ARHGAP15: variants seen among roughly 807,000 people sequenced by gnomAD.
ARHGAP15 encodes Rho GTPase activating protein 15.
Under a neutral mutation model 63.7 loss-of-function variants are expected in ARHGAP15, and 51 were observed. That is an observed-to-expected ratio of 0.80 (90% CI 0.64 to 1.01). The LOEUF (loss-of-function observed/expected upper bound fraction) is 1.01. Ranked by LOEUF, ARHGAP15 falls within the 50% of genes least tolerant of loss-of-function variation. The pLI is 0.00. For missense variants in ARHGAP15, 560 were observed against 564.6 expected (o/e 0.99, Z 0.08); for synonymous variants, 191 against 193.8 (o/e 0.99, Z 0.12).
intron 12 of ARHGAP15, among the ~76,000 whole-genome samples, chr2:143,700,152 A>C (rs1684021373): frequency 1.3e-5 from 2 of 152,162 alleles, no homozygotes; most frequent in African/African-American, 4.8e-5. Context: ...GTGTTGTGTA[A>C]GTAGAATATT....
chr2:143,484,463 T>C (rs1692229493), intron 8 of ARHGAP15, among the ~76,000 whole-genome samples: 1 of 151,842 alleles, frequency 6.6e-6, no homozygotes. Flanking sequence ...ATTTGGGAAG[T>C]GGAAGTTGCA....
intron 13 of ARHGAP15, among the ~76,000 whole-genome samples, chr2:143,756,523 T>C (rs1686583113): frequency 6.6e-6 from 1 of 152,210 alleles, no homozygotes. Flanking sequence ...AGGATGTTGA[T>C]ATTATCAGTG....
intron 10 of ARHGAP15, among the ~76,000 whole-genome samples, chr2:143,536,952 G>A (rs570717258): frequency 1.1e-4 from 16 of 152,270 alleles, no homozygotes; most frequent in African/African-American, 2.6e-4. Context: ...TCACCACACC[G>A]ACTTCCACAA....
chr2:143,537,359 C>A (rs1694824274), intron 10 of ARHGAP15, among the ~76,000 whole-genome samples: 1 of 152,072 alleles, frequency 6.6e-6, no homozygotes. Context: ...GTTTCTTTTG[C>A]TGTGCGGAAG....
chr2:143,747,333 C>T (rs559419333), intron 13 of ARHGAP15, among the ~76,000 whole-genome samples: 1 of 152,074 alleles, frequency 6.6e-6, no homozygotes, highest in Admixed American at 6.5e-5. Flanking sequence ...TCATTAAAAT[C>T]TTGTGTTGGT....
At chr2:143,346,196 T>C (rs905850508) in intron 6 of ARHGAP15, among the ~76,000 whole-genome samples, 1 of 142,450 alleles carries the variant, frequency 7.0e-6, no homozygotes, top group East Asian at 2.0e-4. Context: ...ACACACACTC[T>C]CTCTCTCACA....
intron 4 of ARHGAP15, among the ~76,000 whole-genome samples, chr2:143,217,010 G>A (rs777253465): frequency 1.1e-4 from 16 of 152,136 alleles, no homozygotes; most frequent in African/African-American, 3.6e-4. Flanking sequence ...GGTATATACC[G>A]TATGTTTAGA....
At position 143,155,637 on chromosome 2, in the gene ARHGAP15, C is replaced by A; in HGVS notation, c.147C>A (p.Val49=). ...GTAAATCCATGATCCTCACCGATGT[C>A]GGGAAGGTCACTGAACCTGTAAGTC... is the stretch of plus-strand genomic sequence containing the variant. ...SQSKSMILTD[V]GKVTEPISRH... is the part of the protein sequence containing the mutation. Residue 49 remains valine (V), a synonymous_variant, in exon 2 of 14, where the codon GTC becomes GTA. Coordinates refer to ENST00000295095, the MANE Select transcript of ARHGAP15 (RefSeq NM_018460.4). The A allele has an allele frequency of 6.4e-7, 1 of 1,572,784 alleles. No individual in the cohort carries two copies. Among genetic ancestry groups the A allele is most frequent in the Admixed American group, 2.0e-5 (1 of 50,194 alleles).
chr2:143,190,759 G>A (rs914731478), intron 2 of ARHGAP15, among the ~76,000 whole-genome samples: 8 of 152,266 alleles, frequency 5.3e-5, no homozygotes, highest in South Asian at 2.1e-4. Flanking sequence ...ATTCTGTAGC[G>A]AAAGGCAAAT....
At chr2:143,671,938 G>A (rs1682549582) in intron 12 of ARHGAP15, among the ~76,000 whole-genome samples, 1 of 152,114 alleles carries the variant, frequency 6.6e-6, no homozygotes, top group African/African-American at 2.4e-5. Flanking sequence ...GAAGATAAGA[G>A]AATTGTCATT....
chr2:143,705,859 G>A (rs1441210480), intron 13 of ARHGAP15, among the ~76,000 whole-genome samples: 3 of 152,004 alleles, frequency 2.0e-5, no homozygotes, highest in Non-Finnish European at 4.4e-5. Context: ...GATGACGATC[G>A]TCCATGTCCA....
intron 1 of ARHGAP15, among the ~76,000 whole-genome samples, chr2:143,135,499 G>A (rs1689099324): frequency 6.6e-6 from 1 of 152,078 alleles, no homozygotes. Context: ...GTAGGTAAGA[G>A]GTACACAAAG....
intron 6 of ARHGAP15, among the ~76,000 whole-genome samples, chr2:143,428,184 T>C (rs757225723): frequency 6.6e-6 from 1 of 151,962 alleles, no homozygotes; most frequent in Non-Finnish European, 1.5e-5. Context: ...ACATCTCAAA[T>C]GATTTGAATG....
intron 8 of ARHGAP15, among the ~76,000 whole-genome samples, chr2:143,445,618 A>G (rs920179006): frequency 6.6e-6 from 1 of 152,088 alleles, no homozygotes; most frequent in African/African-American, 2.4e-5. Context: ...AATAGTCCCT[A>G]TAATACCTGA....
chr2:143,591,334 C>T (rs1284722554), intron 11 of ARHGAP15, among the ~76,000 whole-genome samples: 1 of 152,052 alleles, frequency 6.6e-6, no homozygotes, highest in Non-Finnish European at 1.5e-5. Flanking sequence ...GACAGTCAGA[C>T]CATTCATTTC....
chr2:143,602,401 A>G (rs1393775969), intron 11 of ARHGAP15, among the ~76,000 whole-genome samples: 1 of 152,178 alleles, frequency 6.6e-6, no homozygotes, highest in Non-Finnish European at 1.5e-5. Context: ...GGGAATCGAA[A>G]TACAGTTGCA....
intron 6 of ARHGAP15, among the ~76,000 whole-genome samples, chr2:143,398,074 A>C (rs1687847154): frequency 6.6e-6 from 1 of 152,120 alleles, no homozygotes; most frequent in Admixed American, 6.6e-5. Flanking sequence ...CATAACTATG[A>C]GTCATCTTTA....
At chr2:143,711,394 T>G (rs1574873539) in intron 13 of ARHGAP15, among the ~76,000 whole-genome samples, 1 of 152,104 alleles carries the variant, frequency 6.6e-6, no homozygotes, top group African/African-American at 2.4e-5. Context: ...CCAGAGGACA[T>G]GAAACAAGCT....
At chr2:143,695,248 C>T (rs137867389) in intron 12 of ARHGAP15, among the ~76,000 whole-genome samples, 1 of 151,954 alleles carries the variant, frequency 6.6e-6, no homozygotes, top group Admixed American at 6.6e-5. Flanking sequence ...GAAATAAACC[C>T]ATGAGCTTTA....
Sources: gnomAD v4.1 joint callset for allele counts (sites outside exome capture counted in the v4.1 genomes callset) on GRCh38, gnomAD v4.1.1 for gene constraint, MANE v1.5 for transcripts, NCBI Gene and HGNC (gene_info 2026-07-23, HGNC 2026-07-21) for gene names.